The following PRDM14 variants were observed in gnomAD, a reference collection of about 807,000 sequenced individuals.
The protein encoded by PRDM14 is PR domain zinc finger protein 14.
A neutral mutation model predicts 48.0 loss-of-function variants in PRDM14; 16 were observed. The observed-to-expected ratio is 0.33, with a 90% CI of 0.23 to 0.51. The LOEUF (loss-of-function observed/expected upper bound fraction) is 0.51. Ranked by LOEUF, PRDM14 falls within the 20% of genes least tolerant of loss-of-function variation. PRDM14 has a pLI of 0.97. For missense variants in PRDM14, 566 were observed against 719.6 expected (o/e 0.79, Z 2.44); for synonymous variants, 264 against 276.6 (o/e 0.95, Z 0.45).
rs150846469 is a variant in PRDM14, at chr8:70,064,010, G to A, written c.1183+2225C>T. On this transcript the variant is annotated intron_variant, in intron 5 of 7. Coordinates refer to ENST00000276594, the MANE Select transcript of PRDM14 (RefSeq NM_024504.4). Reference sequence around the variant, plus strand: ...ACCCACCAAAACACTTCTGGTCCCAGGCATTTCAGAAAAAGGATACTCAAC... The same window carrying A: ...ACCCACCAAAACACTTCTGGTCCCAAGCATTTCAGAAAAAGGATACTCAAC... Among the ~76,000 whole-genome samples the A allele has an allele frequency of 2.5e-4, 38 of 152,140 alleles. No homozygotes were observed. The East Asian group carries it at 6.8e-3, about 27-fold the overall frequency.
At chr8:70,054,347 C>T (rs2131034216) in intron 7 of PRDM14, among the ~76,000 whole-genome samples, 1 of 152,268 alleles carries the variant, frequency 6.6e-6, no homozygotes, top group South Asian at 2.1e-4. Context: ...GTTTTATATA[C>T]TTTACTGATG....
At chr8:70,060,160 G>A (rs1805552515) in intron 5 of PRDM14, among the ~76,000 whole-genome samples, 1 of 151,676 alleles carries the variant, frequency 6.6e-6, no homozygotes, top group Non-Finnish European at 1.5e-5. Context: ...CAACACTCTG[G>A]GAAGCTGAAG....
At position 70,058,633 on chromosome 8, in the gene PRDM14, TACTC is replaced by T. The variant is rs1478892746; in HGVS notation, c.1386+3_1386+6del. On this transcript the variant is annotated splice_donor_5th_base_variant and intron_variant, in intron 6 of 7. Coordinates refer to ENST00000276594, the MANE Select transcript of PRDM14 (RefSeq NM_024504.4). ...GATGGTGGGTCATGTGTCCTCCTAA[TACTC>T]ACCTTGTGAGGCCGGTGCTTCTCAT... 1 of 1,612,324 alleles carries T rather than the reference TACTC, an allele frequency of 6.2e-7. No homozygotes were observed. Among genetic ancestry groups the T allele is most frequent in the East Asian group, 2.2e-5 (1 of 44,866 alleles).
At chr8:70,064,987 A>G (rs1156750905) in intron 5 of PRDM14, among the ~76,000 whole-genome samples, 1 of 150,248 alleles carries the variant, frequency 6.7e-6, no homozygotes, top group Non-Finnish European at 1.5e-5. Flanking sequence ...CCTGGGTTCA[A>G]ATGATTCTCC....
Position 70,058,679 on chromosome 8 carries a change from G to A in PRDM14, c.1347C>T (p.Ile449=). Reference sequence around the variant, plus strand: ...GCTTCTCATGAACATGAAGAATGTGGATCCGAAGCCGGTCCCGCTTCTCAA... The same window carrying A: ...GCTTCTCATGAACATGAAGAATGTGAATCCGAAGCCGGTCCCGCTTCTCAA... ...RSFEKRDRLR[I]HILHVHEKHR... Residue 449 remains isoleucine, a synonymous_variant, in exon 6 of 8, where the codon ATC becomes ATT. Transcript: ENST00000276594. 1.2e-6 allele frequency: 2 copies of A among 1,614,084 alleles called. No individual in the cohort carries two copies. The highest frequency in any genetic ancestry group is 8.5e-7 in the Non-Finnish European group (1 of 1,179,992).
rs267601982 is a variant in PRDM14 at position 70,068,253 on chromosome 8, C to T, written c.889G>A (p.Gly297Arg). The change falls in exon 4 of 8, where the codon GGA becomes AGA. Residue 297 changes from glycine (G) to arginine (R), a missense_variant. Around this residue, in one of 3 missense-constraint regions of PRDM14, gnomAD observed 410 missense variants for 424.6 expected, o/e 0.97. Coordinates refer to ENST00000276594, the MANE Select transcript of PRDM14 (RefSeq NM_024504.4). Reference protein sequence around the residue: ...VVNASEVKTYGDNSVMWEIFE... With the variant: ...VVNASEVKTYRDNSVMWEIFE... ...ACCTCCCACATCACAGAATTGTCTC[C>T]GTAGGTCTTCACTTCACTGGCATTG... 1.2e-5 allele frequency: 19 copies of T among 1,614,096 alleles called. No homozygotes were observed. The East Asian group carries it at 3.8e-4, about 32-fold the overall frequency.
intron 7 of PRDM14, among the ~76,000 whole-genome samples, chr8:70,052,557 T>A (rs1585645584): frequency 6.6e-6 from 1 of 151,836 alleles, no homozygotes; most frequent in South Asian, 2.1e-4. Flanking sequence ...TATCTGGAGG[T>A]CCAGTTTGTA....
At chr8:70,063,530 ATTTTTCTTTT>A in intron 5 of PRDM14, among the ~76,000 whole-genome samples, 1 of 151,022 alleles carries the variant, frequency 6.6e-6, no homozygotes, top group Admixed American at 6.6e-5. Context: ...TCTTTCTTTC[ATTTTTCTTTT>A]TGAGATGGAG....
rs1445255320 is a variant in PRDM14, at chr8:70,069,671, G to GGGCAGCAGACGCTGC, written c.175_189dup (p.Ala59_Ala63dup). ...CGGAAGGGGAAGGGGGGCATGGCGG[G>GGGCAGCAGACGCTGC]GGCAGCAGACGCTGCGGCCTCCAGC... On this transcript the variant is annotated inframe_insertion, in exon 2 of 8. Coordinates refer to ENST00000276594, the MANE Select transcript of PRDM14 (RefSeq NM_024504.4). 3 of 1,551,174 alleles carry GGGCAGCAGACGCTGC rather than the reference G, an allele frequency of 1.9e-6. No homozygotes were observed. The highest frequency in any genetic ancestry group is 1.7e-6 in the Non-Finnish European group (2 of 1,148,956).
At chr8:70,053,530 A>G (rs561434627) in intron 7 of PRDM14, among the ~76,000 whole-genome samples, 1 of 152,244 alleles carries the variant, frequency 6.6e-6, no homozygotes, top group South Asian at 2.1e-4. Context: ...AGCTGGAATT[A>G]CAGGTGCACT....
rs3750227 is a variant in PRDM14 at position 70,066,455 on chromosome 8, C to A, written c.963G>T (p.Thr321=). 6.2e-7 allele frequency: 1 copy of A among 1,613,910 alleles called. No individual in the cohort carries two copies. The highest frequency in any genetic ancestry group is 1.1e-5 in the South Asian group (1 of 91,072). ...LSHFIDGKGG[T]GNWMSYVNCA... Reference sequence around the variant, plus strand: ...AGTTGACATAGGACATCCAGTTCCCCGTACCTCCTTTTCCATCTATAAAGT... The same window carrying A: ...AGTTGACATAGGACATCCAGTTCCCAGTACCTCCTTTTCCATCTATAAAGT... The change falls in exon 5 of 8, where the codon ACG becomes ACT. Residue 321 remains threonine (T), a synonymous_variant. Transcript: ENST00000276594.
rs1805522478 is a variant in PRDM14, at chr8:70,058,685, A to G, written c.1341T>C (p.Leu447=). 6.2e-7 allele frequency: 1 copy of G among 1,614,130 alleles called. No individual in the cohort carries two copies. The highest frequency in any genetic ancestry group is 8.5e-7 in the Non-Finnish European group (1 of 1,180,000). The change falls in exon 6 of 8, where the codon CTT becomes CTC. Residue 447 remains leucine (L), a synonymous_variant. Transcript: ENST00000276594. ...CKRSFEKRDR[L]RIHILHVHEK... is the part of the protein sequence containing the mutation. ...CATGAACATGAAGAATGTGGATCCGAAGCCGGTCCCGCTTCTCAAAGGATC... is the reference window on the plus strand; with the variant it reads ...CATGAACATGAAGAATGTGGATCCGGAGCCGGTCCCGCTTCTCAAAGGATC...
At chr8:70,059,522 G>A (rs1023884292) in intron 5 of PRDM14, among the ~76,000 whole-genome samples, 5 of 151,780 alleles carry the variant, frequency 3.3e-5, no homozygotes, top group African/African-American at 4.8e-5. Context: ...CACCTGCCTC[G>A]GCCTCCCAAA....
intron 1 of PRDM14, among the ~76,000 whole-genome samples, chr8:70,070,385 G>C (rs1805746489): frequency 6.6e-6 from 1 of 152,164 alleles, no homozygotes; most frequent in Admixed American, 6.5e-5. Flanking sequence ...ACAGCTCCAG[G>C]CGCTCCTGGG....
intron 5 of PRDM14, 103 bp downstream of exon 5, chr8:70,066,132 T>C: frequency 7.7e-7 from 1 of 1,301,170 alleles, no homozygotes; most frequent in Non-Finnish European, 1.1e-6. Flanking sequence ...GTCCTCTGCA[T>C]TAGCCTTTAG....
chr8:70,070,323 G>A (rs1363404270), intron 1 of PRDM14, among the ~76,000 whole-genome samples: 2 of 152,004 alleles, frequency 1.3e-5, no homozygotes, highest in African/African-American at 2.4e-5. Context: ...TGCCAACCTC[G>A]GGGCTGGGCC....
chr8:70,070,814 G>A lies in PRDM14; in HGVS notation c.-25+336C>T, dbSNP rs188471568. On this transcript the variant is annotated intron_variant, in intron 1 of 7. Transcript: ENST00000276594. ...AATAGACAGGCAGCAAGTTCACCGA[G>A]GCTGAAGAATGAAGCCCCTTCAGGG... is the stretch of plus-strand genomic sequence containing the variant. Among the ~76,000 whole-genome samples the A allele has an allele frequency of 9.2e-5, 14 of 152,334 alleles. No individual in the cohort carries two copies. The East Asian group carries it at 2.5e-3, about 27-fold the overall frequency.
Position 70,058,722 on chromosome 8 carries a change from G to C in PRDM14, c.1304C>G (p.Ser435Cys). 2 of 1,614,136 alleles carry C rather than the reference G, an allele frequency of 1.2e-6. No individual in the cohort carries two copies. The highest frequency in any genetic ancestry group is 1.7e-6 in the Non-Finnish European group (2 of 1,180,004). Residue 435 changes from serine to cysteine, a missense_variant, in exon 6 of 8, where the codon TCT becomes TGT. Physicochemically the swap from Ser to Cys is moderately radical, Grantham distance 112. This residue lies in a region of PRDM14 where 126 missense variants were observed against 271.6 expected (regional missense o/e 0.46). Transcript: ENST00000276594. Reference sequence around the variant, plus strand: ...CTTCTCAAAGGATCGTTTGCAGAGAGAACAGGGAAATTTCCTATCGCCCTT... The same window carrying C: ...CTTCTCAAAGGATCGTTTGCAGAGACAACAGGGAAATTTCCTATCGCCCTT... ...VDKGDRKFPCSLCKRSFEKRD... is the reference protein window; with the variant it reads ...VDKGDRKFPCCLCKRSFEKRD...
rs751315940 is a variant in PRDM14 at position 70,069,476 on chromosome 8, G to C, written c.385C>G (p.Leu129Val). Residue 129 changes from leucine to valine, a missense_variant, in exon 2 of 8, where the codon CTG becomes GTG. Physicochemically the swap from Leu to Val is conservative, Grantham distance 32. This residue lies in a region of PRDM14 where 410 missense variants were observed against 424.6 expected (regional missense o/e 0.97). Coordinates refer to ENST00000276594, the MANE Select transcript of PRDM14 (RefSeq NM_024504.4). ...TCGCCACCAATGATTTGGTGGCCCA[G>C]ATCTTCACTGCTGGCACCCGCGTAC... The part of the protein sequence containing the change: ...HEYAGASSED[L>V]GHQIIGGDNE... 1 of 1,581,810 alleles carries C rather than the reference G, an allele frequency of 6.3e-7. No homozygotes were observed. Among genetic ancestry groups the C allele is most frequent in the Admixed American group, 1.7e-5 (1 of 57,380 alleles).
Sources: allele counts gnomAD v4.1 joint callset (sites outside exome capture counted in the v4.1 genomes callset), GRCh38; gene constraint gnomAD v4.1.1; regional missense constraint gnomAD v4.1.1; transcripts MANE v1.5; gene names NCBI Gene and HGNC (gene_info 2026-07-23, HGNC 2026-07-21).